P2RX5: variants seen among roughly 807,000 people sequenced by gnomAD.
P2RX5 encodes the protein P2X purinoceptor 5.
Under a neutral mutation model 54.1 loss-of-function variants are expected in P2RX5, and 46 were observed. The observed-to-expected ratio is 0.85, with a 90% CI of 0.67 to 1.09. The LOEUF is 1.09. Among genes scored for constraint, P2RX5 ranks in the 50% least tolerant of loss-of-function variants. The probability of loss-of-function intolerance (pLI) is 0.00; values close to 1 mark genes in which losing one functional copy is unlikely to be tolerated. For synonymous variants in P2RX5, 226 were observed against 226.4 expected, an observed-to-expected ratio of 1.00 and a Z score of 0.02; for missense variants, 566 against 549.8, an observed-to-expected ratio of 1.03 and a Z score of -0.29.
intron 9 of P2RX5, chr17:3,685,502 G>C (rs1298254247): frequency 6.5e-6 from 1 of 154,318 alleles, no homozygotes; most frequent in Non-Finnish European, 1.5e-5. Flanking sequence ...GGGGAGGGAG[G>C]GGAGGTACTC....
chr17:3,691,681 C>A lies in P2RX5; in HGVS notation c.251G>T (p.Arg84Leu). Residue 84 changes from arginine to leucine, a missense_variant, in exon 2 of 12, where the codon CGG (arginine) becomes CTG (leucine). Transcript: ENST00000225328. ...AFTNTSDLGQ[R>L]IWDVADYVIP... ...GACGTAGTCGGCGACATCCCAGATC[C>A]GCTGCCCAAGATCCGAGGTGTTGGT... 1 of 1,614,198 alleles carries A rather than the reference C, an allele frequency of 6.2e-7. No individual in the cohort carries two copies. Among genetic ancestry groups the A allele is most frequent in the Non-Finnish European group, 8.5e-7 (1 of 1,180,030 alleles).
At chr17:3,675,385 C>T in intron 11 of P2RX5, 4 of 985,262 alleles carry the variant, frequency 4.1e-6, no homozygotes, top group Non-Finnish European at 3.6e-6. Flanking sequence ...TATGACTATC[C>T]TCAGGTTCTG....
chr17:3,720,196 C>A, the P2RX5 span: 1 of 616,766 alleles, frequency 1.6e-6, no homozygotes, highest in Non-Finnish European at 2.9e-6. Flanking sequence ...GAGCCAAGAT[C>A]AGAAGTGTTA....
At chr17:3,714,759 A>G in the P2RX5 span, 1 of 741,574 alleles carries the variant, frequency 1.3e-6, no homozygotes, top group Non-Finnish European at 2.4e-6. Context: ...GCTGCTCTAG[A>G]TCATCCTGAA....
the P2RX5 span, chr17:3,716,962 T>A: frequency 1.7e-6 from 1 of 572,970 alleles, no homozygotes; most frequent in Non-Finnish European, 3.1e-6. Flanking sequence ...TGATGCAGCA[T>A]TTTAGATCAT....
chr17:3,704,695 C>T, the P2RX5 span, among the ~76,000 whole-genome samples: 1 of 152,116 alleles, frequency 6.6e-6, no homozygotes, highest in African/African-American at 2.4e-5. Flanking sequence ...AAATGCTAGT[C>T]CACTGGGCAC....
chr17:3,673,327 T>C lies in P2RX5; in HGVS notation c.*541A>G, dbSNP rs1597685101. 3 of 995,400 alleles carry C rather than the reference T, an allele frequency of 3.0e-6. No individual in the cohort carries two copies. Among genetic ancestry groups the C allele is most frequent in the Non-Finnish European group, 3.6e-6 (3 of 834,990 alleles). The allele number at this position is 995,400 out of a possible 1,614,324, so 61.7% of individuals were successfully genotyped here. ...AAAGCGTCTGCCATCTCCCCCACTT[T>C]AATTCTGTGTACTGGCCTAAGGGCA... On this transcript the variant is annotated 3_prime_UTR_variant, in exon 12 of 12. Coordinates refer to ENST00000225328, the MANE Select transcript of P2RX5 (RefSeq NM_002561.4).
Position 3,696,030 on chromosome 17 carries a change from G to A in P2RX5, c.-25C>T. Reference sequence around the variant, plus strand: ...TGGCGCGCTCTCAGCCGGGCTTGCGGACCGCCCGGCCCACGTGCGCTCATG... The same window carrying A: ...TGGCGCGCTCTCAGCCGGGCTTGCGAACCGCCCGGCCCACGTGCGCTCATG... On this transcript the variant is annotated 5_prime_UTR_variant, in exon 1 of 12. Transcript: ENST00000225328. The A allele has an allele frequency of 6.2e-7, 1 of 1,612,060 alleles. No homozygotes were observed. Among genetic ancestry groups the A allele is most frequent in the Non-Finnish European group, 8.5e-7 (1 of 1,179,094 alleles).
chr17:3,696,111 C>CA lies in P2RX5; in HGVS notation c.-107_-106insT. 7.9e-7 allele frequency: 1 copy of CA among 1,268,776 alleles called. No individual in the cohort carries two copies. The highest frequency in any genetic ancestry group is 1.0e-6 in the Non-Finnish European group (1 of 964,902). 78.6% of individuals were successfully genotyped at this position (1,268,776 alleles called of 1,614,324 possible). A position where few individuals can be genotyped will look rare whatever the true frequency, so the allele number is the denominator to read the frequency against. On this transcript the variant is annotated 5_prime_UTR_variant, in exon 1 of 12. Coordinates refer to ENST00000225328, the MANE Select transcript of P2RX5 (RefSeq NM_002561.4). ...CCCGGCGCCCGCCTCGGCCCGTCTG[C>CA]GCCCGCTCAGCTGCAGCCCGGGGTG... is the stretch of plus-strand genomic sequence containing the variant.
At chr17:3,689,050 C>T (rs1340444593) in intron 7 of P2RX5, among the ~76,000 whole-genome samples, 1 of 152,270 alleles carries the variant, frequency 6.6e-6, no homozygotes, top group Non-Finnish European at 1.5e-5. Context: ...AAGGGGGTCC[C>T]TCTGCCTCAC....
chr17:3,690,745 A>T, intron 3 of P2RX5, 65 bp from the exon 4 acceptor site: 1 of 1,515,184 alleles, frequency 6.6e-7, no homozygotes, highest in Non-Finnish European at 9.1e-7. Flanking sequence ...GTCCCACTCC[A>T]GGAGATAGAA....
the P2RX5 span, among the ~76,000 whole-genome samples, chr17:3,707,408 G>C: frequency 6.6e-6 from 1 of 152,088 alleles, no homozygotes; most frequent in Non-Finnish European, 1.5e-5. Context: ...TTCTTCATCC[G>C]GGAGCCAAAA....
chr17:3,684,114 C>G (rs896308993), intron 9 of P2RX5, among the ~76,000 whole-genome samples: 12 of 152,030 alleles, frequency 7.9e-5, no homozygotes, highest in Non-Finnish European at 1.5e-5. Flanking sequence ...TGCCCTCAGT[C>G]CCTGTGTCTC....
chr17:3,689,257 A>C (rs1288277580), intron 7 of P2RX5, among the ~76,000 whole-genome samples: 1 of 141,296 alleles, frequency 7.1e-6, no homozygotes, highest in Non-Finnish European at 1.5e-5. Context: ...TGCCACAGCC[A>C]GTTCTGAAAA....
chr17:3,677,239 AG>A, intron 11 of P2RX5: 1 of 985,272 alleles, frequency 1.0e-6, no homozygotes, highest in Non-Finnish European at 1.2e-6. Context: ...TGATCTCATT[AG>A]CACTTCAGGC....
the P2RX5 span, among the ~76,000 whole-genome samples, chr17:3,718,583 G>A: frequency 5.3e-5 from 8 of 152,328 alleles, no homozygotes; most frequent in African/African-American, 1.9e-4. Context: ...TAGAGTCACT[G>A]TAAGTCAGGG....
chr17:3,719,470 G>A, the P2RX5 span, among the ~76,000 whole-genome samples: 1 of 152,042 alleles, frequency 6.6e-6, no homozygotes, highest in African/African-American at 2.4e-5. Flanking sequence ...CTGAAGCCAT[G>A]TCCAGGCAAG....
At chr17:3,721,709 T>C in the P2RX5 span, 1 of 152,216 alleles carries the variant, frequency 6.6e-6, no homozygotes. Flanking sequence ...TGATCACTAG[T>C]TCCCACTTTA....
chr17:3,678,262 G>C, intron 11 of P2RX5: 1 of 191,504 alleles, frequency 5.2e-6, no homozygotes, highest in Non-Finnish European at 9.6e-6. Context: ...TTCAGAGAGA[G>C]CACAGCCTGC....
Sources: gnomAD v4.1 joint callset for allele counts (sites outside exome capture counted in the v4.1 genomes callset) on GRCh38, gnomAD v4.1.1 for gene constraint, MANE v1.5 for transcripts, NCBI Gene and HGNC (gene_info 2026-07-23, HGNC 2026-07-21) for gene names.